Variants in TMEM67 observed in about 807,000 individuals in gnomAD.
TMEM67 encodes meckelin.
TMEM67 carries 124 observed loss-of-function variants against 136.6 expected under a neutral mutation model. That is an observed-to-expected ratio of 0.91 (90% CI 0.78 to 1.05). TMEM67 has a LOEUF of 1.05. Ranked by LOEUF, TMEM67 falls within the 50% of genes least tolerant of loss-of-function variation. TMEM67 has a pLI of 0.00. For synonymous variants in TMEM67, 364 were observed against 390.5 expected, an observed-to-expected ratio of 0.93 and a Z score of 0.80; for missense variants, 1,107 against 1,178.4, an observed-to-expected ratio of 0.94 and a Z score of 0.89.
chr8:93,832,352 A>G, the TMEM67 span, among the ~76,000 whole-genome samples: 1 of 152,222 alleles, frequency 6.6e-6, no homozygotes, highest in Non-Finnish European at 1.5e-5. Context: ...AGCCACTTCC[A>G]TTGATACAAC....
At chr8:93,804,959 A>G (rs1586083376) in intron 23 of TMEM67, 81 bp downstream of exon 23, 1 of 904,344 alleles carries the variant, frequency 1.1e-6, no homozygotes, top group Non-Finnish European at 1.8e-6. Flanking sequence ...TAAAAAAAAA[A>G]CAGTCTTCAT....
At chr8:93,830,499 C>T in the TMEM67 span, among the ~76,000 whole-genome samples, 21 of 152,120 alleles carry the variant, frequency 1.4e-4, no homozygotes, top group Non-Finnish European at 2.9e-4. Context: ...GGGGACTGAG[C>T]CCTCAACCCG....
At chr8:93,794,366 C>T (rs751403234) in intron 16 of TMEM67, among the ~76,000 whole-genome samples, 1 of 152,046 alleles carries the variant, frequency 6.6e-6, no homozygotes, top group Non-Finnish European at 1.5e-5. Flanking sequence ...TTTTATTAAA[C>T]ATTTAAAAAA....
Position 93,765,459 on chromosome 8 carries a change from C to G in TMEM67, c.560C>G (p.Ser187Ter). Residue 187 changes from serine to a stop codon, truncating the protein, a stop_gained, in exon 5 of 28, where the codon TCA becomes TGA. Coordinates refer to ENST00000453321, the MANE Select transcript of TMEM67 (RefSeq NM_153704.6). LOFTEE classifies it high-confidence loss of function. Reference protein sequence around the residue: ...FVNTSRSCACSEPNILTGGLC... With the variant: ...FVNTSRSCAC ...AATACCAGCAGGTCCTGTGCATGTT[C>G]AGAACCTAACATTTTAGTAAGGCTA... The G allele has an allele frequency of 6.2e-7, 1 of 1,611,990 alleles. No individual in the cohort carries two copies. The highest frequency in any genetic ancestry group is 8.5e-7 in the Non-Finnish European group (1 of 1,179,696).
At chr8:93,819,104 G>A (rs1461484021), downstream of TMEM67, 1 of 453,282 alleles carries the variant, frequency 2.2e-6, no homozygotes, top group Non-Finnish European at 4.4e-6. Flanking sequence ...CACATGGCCA[G>A]GATTAGTTTC....
At chr8:93,793,061 G>A in intron 15 of TMEM67, 137 bp from the exon 16 acceptor site, 1 of 763,160 alleles carries the variant, frequency 1.3e-6, no homozygotes, top group East Asian at 2.7e-5. Flanking sequence ...GTGAGCCACT[G>A]TGCCCGGCTG....
intron 26 of TMEM67, among the ~76,000 whole-genome samples, chr8:93,811,105 T>A (rs1444528141): frequency 6.6e-6 from 1 of 152,212 alleles, no homozygotes; most frequent in East Asian, 1.9e-4. Flanking sequence ...ACCTTGGGTA[T>A]CTTGTTTAAC....
Position 93,772,648 on chromosome 8 carries a change from T to C in TMEM67, c.711T>C (p.Cys237=). The part of the protein sequence containing the change: ...AKYLQSSAAA[C]WVYANLTSCQ... ...ATTTGCAATCATCAGCAGCTGCATG[T>C]TGGGTAAGTTTGAATTTTTTAAATA... The change falls in exon 7 of 28, where the codon TGT becomes TGC. Residue 237 remains cysteine, a synonymous_variant. Coordinates refer to ENST00000453321, the MANE Select transcript of TMEM67 (RefSeq NM_153704.6). 1.2e-6 allele frequency: 2 copies of C among 1,610,032 alleles called. No individual in the cohort carries two copies. The highest frequency in any genetic ancestry group is 1.3e-5 in the African/African-American group (1 of 74,956).
chr8:93,823,901 G>C (rs1353072281), downstream of TMEM67, among the ~76,000 whole-genome samples: 1 of 150,512 alleles, frequency 6.6e-6, no homozygotes, highest in Non-Finnish European at 1.5e-5. Context: ...ATTTTTTAGA[G>C]CCTCTCTCAA....
At chr8:93,778,247 C>T (rs1813648578) in intron 7 of TMEM67, among the ~76,000 whole-genome samples, 1 of 152,154 alleles carries the variant, frequency 6.6e-6, no homozygotes, top group Admixed American at 6.5e-5. Flanking sequence ...CTATGTGTGT[C>T]TTTGCACGTG....
chr8:93,813,819 G>A (rs1374366194), intron 26 of TMEM67, among the ~76,000 whole-genome samples: 1 of 152,164 alleles, frequency 6.6e-6, no homozygotes, highest in South Asian at 2.1e-4. Context: ...TTGAGGAGTT[G>A]CTATCATATG....
At chr8:93,780,046 C>G (rs3134026) in intron 7 of TMEM67, among the ~76,000 whole-genome samples, 11,365 of 152,162 alleles carry the variant, frequency 0.075, 557 homozygotes, top group South Asian at 0.13. Flanking sequence ...GGAGCTTCCC[C>G]GGCTGCTTTG....
intron 13 of TMEM67, among the ~76,000 whole-genome samples, chr8:93,787,103 G>C (rs1023020716): frequency 2.0e-5 from 3 of 152,104 alleles, no homozygotes; most frequent in African/African-American, 7.2e-5. Flanking sequence ...AATGCACCTA[G>C]TCAGACTTGA....
chr8:93,807,279 A>C (rs1815195490), intron 23 of TMEM67, among the ~76,000 whole-genome samples: 1 of 152,126 alleles, frequency 6.6e-6, no homozygotes, highest in Admixed American at 6.6e-5. Flanking sequence ...TGATTTTATG[A>C]ATGTTAACTC....
At chr8:93,777,906 C>A (rs1813628239) in intron 7 of TMEM67, among the ~76,000 whole-genome samples, 1 of 152,152 alleles carries the variant, frequency 6.6e-6, no homozygotes, top group Admixed American at 6.6e-5. Flanking sequence ...CCTGGATATT[C>A]TTGTTAACCT....
At chr8:93,787,297 G>A (rs901481086) in intron 13 of TMEM67, among the ~76,000 whole-genome samples, 5 of 151,734 alleles carry the variant, frequency 3.3e-5, no homozygotes, top group East Asian at 3.9e-4. Flanking sequence ...ATCTTGAGAC[G>A]GGGTCTTGCT....
At position 93,799,723 on chromosome 8, in the gene TMEM67, T is replaced by TCTGCTGCTCTTGG. The variant is rs1814783987; in HGVS notation, c.2217_2218insGGCTGCTGCTCTT (p.Trp740GlyfsTer21). The TCTGCTGCTCTTGG allele has an allele frequency of 6.2e-7, 1 of 1,613,778 alleles. No individual in the cohort carries two copies. The highest frequency in any genetic ancestry group is 8.5e-7 in the Non-Finnish European group (1 of 1,179,876). On this transcript the variant is annotated frameshift_variant, in exon 21 of 28. Coordinates refer to ENST00000453321, the MANE Select transcript of TMEM67 (RefSeq NM_153704.6). LOFTEE classifies it high-confidence loss of function. ...TAGCTGCATTTTGAGATATGCAGTG[T>TCTGCTGCTCTTGG]CTGCTGCTCTTTGGCTAGCCATTGG...
At chr8:93,787,987 A>G in intron 14 of TMEM67, 38 bp downstream of exon 14, 1 of 1,425,052 alleles carries the variant, frequency 7.0e-7, no homozygotes, top group Non-Finnish European at 9.9e-7. Flanking sequence ...GTATGTATAA[A>G]TAGAGTATAA....
intron 26 of TMEM67, among the ~76,000 whole-genome samples, chr8:93,812,643 C>T (rs1371433462): frequency 6.6e-6 from 1 of 152,194 alleles, no homozygotes; most frequent in Non-Finnish European, 1.5e-5. Flanking sequence ...TTACAATCCT[C>T]TAAAAGTTTT....
Sources: gnomAD v4.1 joint callset for allele counts (sites outside exome capture counted in the v4.1 genomes callset) on GRCh38, gnomAD v4.1.1 for gene constraint, MANE v1.5 for transcripts, NCBI Gene and HGNC (gene_info 2026-07-23, HGNC 2026-07-21) for gene names.